The following HDAC9 variants were observed in gnomAD, a reference collection of about 807,000 sequenced individuals.
HDAC9 encodes the protein histone deacetylase 9.
A neutral mutation model predicts 139.4 loss-of-function variants in HDAC9; 41 were observed. The ratio of observed to expected loss-of-function variants is 0.29; its 90% CI spans 0.23 to 0.38. The LOEUF (loss-of-function observed/expected upper bound fraction) is 0.38, where lower values mean the gene tolerates loss of function less well. HDAC9 is among the 10% of genes least tolerant of loss of function. The pLI, the probability that HDAC9 is intolerant of heterozygous loss-of-function variation, is 1.00. For missense variants in HDAC9, 1,147 were observed against 1,297.0 expected (o/e 0.88, Z 1.78); for synonymous variants, 517 against 476.2 (o/e 1.09, Z -1.12).
chr7:18,779,227 G>C (rs992836871), intron 16 of HDAC9, among the ~76,000 whole-genome samples: 1 of 151,964 alleles, frequency 6.6e-6, no homozygotes, highest in Non-Finnish European at 1.5e-5. Flanking sequence ...CCCACCCATT[G>C]TTATCATAAA....
At chr7:18,551,535 A>G (rs896606435) in intron 2 of HDAC9, among the ~76,000 whole-genome samples, 1 of 152,188 alleles carries the variant, frequency 6.6e-6, no homozygotes, top group East Asian at 1.9e-4. Context: ...AACCCTGACA[A>G]TGTGTGTCCT....
intron 1 of HDAC9, among the ~76,000 whole-genome samples, chr7:18,351,192 A>G (rs1044620900): frequency 6.6e-6 from 1 of 152,194 alleles, no homozygotes; most frequent in Non-Finnish European, 1.5e-5. Flanking sequence ...TATTTACAAG[A>G]TAAAATGTAA....
intron 23 of HDAC9, among the ~76,000 whole-genome samples, chr7:18,951,746 G>T (rs1020584408): frequency 1.3e-5 from 2 of 148,546 alleles, no homozygotes; most frequent in Non-Finnish European, 3.0e-5. Context: ...TATAAAAAAT[G>T]AATATTTAAT....
intron 22 of HDAC9, among the ~76,000 whole-genome samples, chr7:18,915,390 T>G (rs1449121511): frequency 6.6e-6 from 1 of 151,994 alleles, no homozygotes; most frequent in East Asian, 1.9e-4. Context: ...GTTCCTTTCT[T>G]GTTTTCAGAA....
chr7:18,403,152 G>A (rs1272628230), intron 1 of HDAC9, among the ~76,000 whole-genome samples: 2 of 152,116 alleles, frequency 1.3e-5, no homozygotes, highest in Admixed American at 6.6e-5. Context: ...TATTGACTGT[G>A]TGTACATACA....
intron 24 of HDAC9, among the ~76,000 whole-genome samples, chr7:18,975,263 C>G (rs1048045323): frequency 7.2e-5 from 11 of 152,170 alleles, no homozygotes; most frequent in Non-Finnish European, 1.2e-4. Flanking sequence ...AGTACACACC[C>G]TGAGGTTGAG....
upstream of HDAC9, among the ~76,000 whole-genome samples, chr7:18,495,315 C>A (rs967277154): frequency 6.6e-6 from 1 of 152,072 alleles, no homozygotes; most frequent in Non-Finnish European, 1.5e-5. Flanking sequence ...CAATACAGAG[C>A]TCTGTACTTC....
At chr7:18,728,663 A>G (rs2129130075) in intron 13 of HDAC9, among the ~76,000 whole-genome samples, 1 of 152,286 alleles carries the variant, frequency 6.6e-6, no homozygotes, top group Middle Eastern at 3.4e-3. Context: ...TCTCTGATTT[A>G]TTTTAAAATC....
In HDAC9 at chr7:18,142,994, G is replaced by C. The variant is rs575419250; in HGVS notation, c.-96-19235G>C. Among the ~76,000 whole-genome samples, 2 of 152,230 alleles carry C rather than the reference G, an allele frequency of 1.3e-5. 1 individual carries two copies. The highest frequency in any genetic ancestry group is 4.8e-5 in the African/African-American group (2 of 41,528). On this transcript the variant is annotated intron_variant, in intron 1 of 12. Coordinates refer to the HDAC9 transcript ENST00000417496. ...ATATATTCAGTCCCTCCAGGGCAGGGGATGTCCTTCAGTTCCATCCTTGGA... is the reference window on the plus strand; with the variant it reads ...ATATATTCAGTCCCTCCAGGGCAGGCGATGTCCTTCAGTTCCATCCTTGGA...
chr7:18,274,605 A>G (rs1468993136), intron 2 of HDAC9, among the ~76,000 whole-genome samples: 1 of 152,184 alleles, frequency 6.6e-6, no homozygotes, highest in Non-Finnish European at 1.5e-5. Flanking sequence ...GACAAACCAC[A>G]TCCCAACTAT....
At chr7:18,264,608 A>T (rs927521340) in intron 2 of HDAC9, among the ~76,000 whole-genome samples, 1 of 152,228 alleles carries the variant, frequency 6.6e-6, no homozygotes, top group African/African-American at 2.4e-5. Flanking sequence ...TATAATTATT[A>T]TGTAAGAGGG....
intron 1 of HDAC9, among the ~76,000 whole-genome samples, chr7:18,144,963 C>G (rs1786188035): frequency 1.3e-5 from 2 of 152,154 alleles, no homozygotes; most frequent in Non-Finnish European, 2.9e-5. Flanking sequence ...TCTTTCTGTT[C>G]CTCCTGTAGA....
intron 6 of HDAC9, among the ~76,000 whole-genome samples, chr7:18,611,511 A>C (rs1204967939): frequency 6.6e-6 from 1 of 152,102 alleles, no homozygotes; most frequent in East Asian, 1.9e-4. Flanking sequence ...AGATGAGAGA[A>C]CCGTCACAGA....
At chr7:18,729,455 C>T (rs1386329256) in intron 13 of HDAC9, among the ~76,000 whole-genome samples, 1 of 152,118 alleles carries the variant, frequency 6.6e-6, no homozygotes, top group East Asian at 1.9e-4. Flanking sequence ...TGACATACTT[C>T]AGTGTCTTCT....
At chr7:18,893,430 C>G (rs1243123095) in intron 22 of HDAC9, among the ~76,000 whole-genome samples, 2 of 152,154 alleles carry the variant, frequency 1.3e-5, no homozygotes, top group Non-Finnish European at 2.9e-5. Context: ...ATACATCAGG[C>G]ATCTAGTGCT....
chr7:18,156,044 T>C lies in HDAC9; in HGVS notation c.-96-6185T>C, dbSNP rs74376458. 6.8e-3 allele frequency among the ~76,000 whole-genome samples: 1,040 copies of C among 152,280 alleles called. 8 individuals carry two copies. The highest frequency in any genetic ancestry group is 0.025 in the South Asian group (123 of 4,828). The stretch of plus-strand genomic sequence containing the variant: ...AACATAAATATTATCAGGAGCACTG[T>C]GAGCACAGTCCTGCTTCTGCTACTT... On this transcript the variant is annotated intron_variant, in intron 1 of 12. Coordinates refer to the HDAC9 transcript ENST00000417496.
intron 1 of HDAC9, chr7:18,430,880 A>G (rs953786693): frequency 2.0e-5 from 3 of 152,378 alleles, no homozygotes; most frequent in Non-Finnish European, 2.9e-5. Context: ...GAGTGAGACT[A>G]TCTAAACAAA....
At chr7:18,112,267 G>T (rs1358443006) in intron 1 of HDAC9, among the ~76,000 whole-genome samples, 2 of 152,116 alleles carry the variant, frequency 1.3e-5, no homozygotes, top group African/African-American at 4.8e-5. Flanking sequence ...TATTTACACC[G>T]TGGAAATTGG....
rs78793288 is a variant in HDAC9, at chr7:18,722,234, G to A, written c.1732-5346G>A. ...GGTGAATCAGCTGAAAAAGAAAGAC[G>A]AATACTTTGACTGCATAAAAAATAG... On this transcript the variant is annotated intron_variant, in intron 12 of 25. Coordinates refer to ENST00000686413, the MANE Select transcript of HDAC9 (RefSeq NM_178425.4). 8.5e-3 allele frequency among the ~76,000 whole-genome samples: 1,292 copies of A among 152,136 alleles called. 4 individuals carry two copies. The highest frequency in any genetic ancestry group is 0.015 in the Non-Finnish European group (989 of 67,962).
Sources: allele counts gnomAD v4.1 joint callset (sites outside exome capture counted in the v4.1 genomes callset), GRCh38; gene constraint gnomAD v4.1.1; transcripts MANE v1.5; gene names NCBI Gene and HGNC (gene_info 2026-07-23, HGNC 2026-07-21).